The following IL1RAP variants were observed in gnomAD, a reference collection of about 807,000 sequenced individuals.
IL1RAP encodes interleukin-1 receptor accessory protein.
A neutral mutation model predicts 60.7 loss-of-function variants in IL1RAP; 35 were observed. The ratio of observed to expected loss-of-function variants is 0.58; its 90% CI spans 0.44 to 0.76. The LOEUF (loss-of-function observed/expected upper bound fraction) is 0.76, where lower values mean the gene tolerates loss of function less well. IL1RAP is among the 30% of genes least tolerant of loss of function. The pLI is 0.00. For missense variants in IL1RAP, 572 were observed against 693.9 expected, an observed-to-expected ratio of 0.82 and a Z score of 1.97; for synonymous variants, 268 against 250.9, an observed-to-expected ratio of 1.07 and a Z score of -0.64.
intron 1 of IL1RAP, among the ~76,000 whole-genome samples, chr3:190,552,499 T>C (rs1560162220): frequency 6.6e-6 from 1 of 152,188 alleles, no homozygotes; most frequent in Admixed American, 6.5e-5. Context: ...TTCTCAAAGA[T>C]TAAAGTCACG....
intron 2 of IL1RAP, among the ~76,000 whole-genome samples, 193 bp downstream of exon 2, chr3:190,556,409 C>T (rs1452234248): frequency 6.6e-6 from 1 of 152,074 alleles, no homozygotes; most frequent in Non-Finnish European, 1.5e-5. Flanking sequence ...CACACACACA[C>T]ACATATGTAT....
In IL1RAP at chr3:190,613,869, T is replaced by C. The variant is rs535458494; in HGVS notation, c.537+4688T>C. On this transcript the variant is annotated intron_variant, in intron 5 of 11. Coordinates refer to ENST00000447382, the MANE Select transcript of IL1RAP (RefSeq NM_002182.4). ...GACAACAACCAGTCATGTTTTCTCT[T>C]ATTTGATTAAGAAGATTGCTAATAA... 3.0e-3 allele frequency among the ~76,000 whole-genome samples: 450 copies of C among 152,180 alleles called. 3 individuals carry two copies. Among genetic ancestry groups the C allele is most frequent in the Non-Finnish European group, 4.6e-3 (311 of 67,986 alleles).
intron 3 of IL1RAP, among the ~76,000 whole-genome samples, chr3:190,585,231 G>A (rs751665520): frequency 9.2e-5 from 14 of 152,074 alleles, no homozygotes; most frequent in East Asian, 1.9e-4. Context: ...AAAAGGGGCC[G>A]TGCCAGGCAA....
chr3:190,637,661 G>A (rs989546935), intron 9 of IL1RAP, among the ~76,000 whole-genome samples: 9 of 151,942 alleles, frequency 5.9e-5, no homozygotes, highest in Non-Finnish European at 1.2e-4. Flanking sequence ...TGTACCATTT[G>A]ATAATTTTTG....
intron 3 of IL1RAP, among the ~76,000 whole-genome samples, chr3:190,583,505 A>G (rs1460591251): frequency 6.6e-6 from 1 of 152,352 alleles, no homozygotes; most frequent in East Asian, 1.9e-4. Context: ...AATATCCACC[A>G]AACTCTGTGT....
chr3:190,566,012 C>CT (rs1273472616), intron 3 of IL1RAP, among the ~76,000 whole-genome samples: 9 of 151,664 alleles, frequency 5.9e-5, no homozygotes, highest in South Asian at 2.1e-4. Flanking sequence ...CTTTTCCTTC[C>CT]TTTTTTTCTT....
At chr3:190,629,579 CAA>C (rs1732606048) in intron 9 of IL1RAP, 81 bp downstream of exon 9, 1 of 1,505,024 alleles carries the variant, frequency 6.6e-7, no homozygotes, top group South Asian at 1.4e-5. Context: ...AGATTGAGAA[CAA>C]GAGAGCTCCA....
chr3:190,594,635 C>T (rs1157256604), intron 3 of IL1RAP, among the ~76,000 whole-genome samples: 11 of 152,154 alleles, frequency 7.2e-5, no homozygotes, highest in Non-Finnish European at 1.5e-4. Context: ...GGAAATGTTA[C>T]TTTTAAACTG....
chr3:190,542,964 G>C (rs187134835), intron 1 of IL1RAP, among the ~76,000 whole-genome samples: 127 of 144,018 alleles, frequency 8.8e-4, no homozygotes, highest in African/African-American at 3.2e-3. Context: ...CTGCAATAAT[G>C]TTAAATCAGA....
intron 1 of IL1RAP, among the ~76,000 whole-genome samples, chr3:190,514,543 AC>A (rs1045439232): frequency 1.4e-4 from 6 of 42,072 alleles, no homozygotes; most frequent in African/African-American, 5.3e-4. Flanking sequence ...CCCCGCTACC[AC>A]CCCCCGCCCC....
At chr3:190,619,266 T>G (rs1731548468) in intron 5 of IL1RAP, among the ~76,000 whole-genome samples, 1 of 152,208 alleles carries the variant, frequency 6.6e-6, no homozygotes, top group African/African-American at 2.4e-5. Context: ...GAAACAGGAT[T>G]CTAGATATGT....
In IL1RAP at chr3:190,648,775, C is replaced by A. The variant is rs1470862005; in HGVS notation, c.*70C>A. 1.3e-6 allele frequency: 2 copies of A among 1,519,798 alleles called. No homozygotes were observed. The highest frequency in any genetic ancestry group is 1.4e-5 in the African/African-American group (1 of 71,980). 94.1% of individuals were successfully genotyped at this position (1,519,798 alleles called of 1,614,324 possible). On this transcript the variant is annotated 3_prime_UTR_variant, in exon 12 of 12. Coordinates refer to ENST00000447382, the MANE Select transcript of IL1RAP (RefSeq NM_002182.4). Reference sequence around the variant, plus strand: ...AGAAAGAGTCCCCCCAGTCTTCATTCGCAGTTTATGGTTTCATAGGCAAAA... The same window carrying A: ...AGAAAGAGTCCCCCCAGTCTTCATTAGCAGTTTATGGTTTCATAGGCAAAA...
chr3:190,659,268 T>G (rs1247569986), exon 12 of IL1RAP: 1 of 152,226 alleles, frequency 6.6e-6, no homozygotes, highest in African/African-American at 2.4e-5. Flanking sequence ...GAGCTCATAT[T>G]ATATGAGTAG....
chr3:190,646,518 G>A (rs1734027382), intron 11 of IL1RAP, among the ~76,000 whole-genome samples: 1 of 152,136 alleles, frequency 6.6e-6, no homozygotes, highest in Non-Finnish European at 1.5e-5. Flanking sequence ...GAAAGGAAAT[G>A]CCTAAATTCT....
chr3:190,566,039 T>C, intron 3 of IL1RAP, among the ~76,000 whole-genome samples: 1 of 151,912 alleles, frequency 6.6e-6, no homozygotes, highest in Non-Finnish European at 1.5e-5. Flanking sequence ...CTCCCTGTCC[T>C]TCCTCCTTTT....
At chr3:190,518,727 T>A (rs1348718384) in intron 1 of IL1RAP, 1 of 152,400 alleles carries the variant, frequency 6.6e-6, no homozygotes, top group African/African-American at 2.4e-5. Context: ...AGAGAACTTG[T>A]GCAGAGAAAC....
At chr3:190,578,125 T>C (rs1727663315) in intron 3 of IL1RAP, among the ~76,000 whole-genome samples, 1 of 152,142 alleles carries the variant, frequency 6.6e-6, no homozygotes, top group African/African-American at 2.4e-5. Context: ...AACTTCAGCA[T>C]TATGCAATAT....
chr3:190,541,309 T>G (rs1478819823), intron 1 of IL1RAP, among the ~76,000 whole-genome samples: 1 of 152,092 alleles, frequency 6.6e-6, no homozygotes, highest in Non-Finnish European at 1.5e-5. Flanking sequence ...TTTATATACA[T>G]TTCAAAGAGT....
intron 3 of IL1RAP, among the ~76,000 whole-genome samples, chr3:190,588,076 C>T (rs1023242999): frequency 6.6e-6 from 1 of 152,162 alleles, no homozygotes; most frequent in Non-Finnish European, 1.5e-5. Flanking sequence ...TTTCCTACCT[C>T]AAAGCATACG....
Sources: allele counts gnomAD v4.1 joint callset (sites outside exome capture counted in the v4.1 genomes callset), GRCh38; gene constraint gnomAD v4.1.1; transcripts MANE v1.5; gene names NCBI Gene and HGNC (gene_info 2026-07-23, HGNC 2026-07-21).